Variants in PTPRD observed in about 807,000 individuals in gnomAD.
The protein encoded by PTPRD is receptor-type tyrosine-protein phosphatase delta.
A neutral mutation model predicts 214.5 loss-of-function variants in PTPRD; 34 were observed. The ratio of observed to expected loss-of-function variants is 0.16; its 90% confidence interval spans 0.12 to 0.21. PTPRD has a LOEUF of 0.21. Among genes scored for constraint, PTPRD ranks in the 10% least tolerant of loss-of-function variants. The pLI is 1.00. For synonymous variants in PTPRD, 1,128 were observed against 845.7 expected, an observed-to-expected ratio of 1.33 and a Z score of -5.79; for missense variants, 2,545 against 2,398.7, an observed-to-expected ratio of 1.06 and a Z score of -1.27.
intron 4 of PTPRD, among the ~76,000 whole-genome samples, chr9:9,961,686 A>G (rs1028436046): frequency 6.6e-6 from 1 of 152,160 alleles, no homozygotes; most frequent in African/African-American, 2.4e-5. Flanking sequence ...ACTGAGTGCA[A>G]TTCCATGCCT....
At chr9:10,309,412 G>A (rs896211990) in intron 3 of PTPRD, among the ~76,000 whole-genome samples, 3 of 151,758 alleles carry the variant, frequency 2.0e-5, no homozygotes, top group Non-Finnish European at 4.4e-5. Flanking sequence ...AAGTGTAATG[G>A]CACAATCTCG....
intron 5 of PTPRD, among the ~76,000 whole-genome samples, chr9:9,929,735 G>A (rs940801826): frequency 6.6e-6 from 1 of 152,154 alleles, no homozygotes; most frequent in Admixed American, 6.5e-5. Flanking sequence ...ACAGGGCCTG[G>A]ATAAGGTTGA....
intron 14 of PTPRD, among the ~76,000 whole-genome samples, chr9:8,531,948 C>G (rs936777408): frequency 2.0e-5 from 3 of 152,064 alleles, no homozygotes; most frequent in Non-Finnish European, 4.4e-5. Flanking sequence ...CATGACCTTT[C>G]TCTTCCTTCC....
intron 3 of PTPRD, among the ~76,000 whole-genome samples, chr9:10,157,869 T>C (rs1448619909): frequency 6.6e-6 from 1 of 152,184 alleles, no homozygotes; most frequent in Non-Finnish European, 1.5e-5. Flanking sequence ...CTTCTTTGAC[T>C]ATCTATTTTA....
intron 7 of PTPRD, among the ~76,000 whole-genome samples, chr9:9,579,171 A>G (rs1592084740): frequency 6.6e-6 from 1 of 152,232 alleles, no homozygotes. Context: ...GAGTCAAGTA[A>G]TTATATATTT....
At chr9:9,543,175 T>C (rs1007335115) in intron 8 of PTPRD, among the ~76,000 whole-genome samples, 2 of 151,704 alleles carry the variant, frequency 1.3e-5, no homozygotes, top group African/African-American at 4.8e-5. Flanking sequence ...CAAAAACATT[T>C]TGTTGAGCAA....
chr9:8,972,206 A>C (rs1459637363), intron 11 of PTPRD, among the ~76,000 whole-genome samples: 4 of 151,922 alleles, frequency 2.6e-5, no homozygotes. Context: ...TTTCTCTTTC[A>C]GTAGACTAAT....
chr9:9,431,079 T>C (rs2082910279), intron 8 of PTPRD, among the ~76,000 whole-genome samples: 1 of 152,170 alleles, frequency 6.6e-6, no homozygotes, highest in Admixed American at 6.5e-5. Flanking sequence ...AAAGAACCTC[T>C]GCACAGCAAA....
intron 3 of PTPRD, among the ~76,000 whole-genome samples, chr9:10,202,671 G>GATAT (rs77962535): frequency 0.057 from 6,461 of 112,976 alleles, 323 homozygotes; most frequent in African/African-American, 0.098. Context: ...AAATTATATG[G>GATAT]ATATATATAT....
At chr9:8,764,285 C>A (rs1388287849) in intron 11 of PTPRD, among the ~76,000 whole-genome samples, 1 of 152,104 alleles carries the variant, frequency 6.6e-6, no homozygotes, top group African/African-American at 2.4e-5. Context: ...TATGAAAAGG[C>A]TATTGCAAGA....
intron 3 of PTPRD, among the ~76,000 whole-genome samples, chr9:10,057,717 T>C (rs557059225): frequency 6.6e-6 from 1 of 151,706 alleles, no homozygotes; most frequent in East Asian, 2.0e-4. Context: ...GGTGCACGTG[T>C]CTGTAGTCCC....
At chr9:10,538,284 AAATAAATAAAT>A (rs2058327649) in intron 2 of PTPRD, among the ~76,000 whole-genome samples, 2 of 147,276 alleles carry the variant, frequency 1.4e-5, no homozygotes, top group Non-Finnish European at 3.0e-5. Context: ...ATAAATAAAT[AAATAAATAAAT>A]AAAAAGGGAG....
chr9:9,645,290 A>T (rs2096117004), intron 7 of PTPRD, among the ~76,000 whole-genome samples: 1 of 152,154 alleles, frequency 6.6e-6, no homozygotes, highest in Non-Finnish European at 1.5e-5. Flanking sequence ...AAATGGAGAC[A>T]ATAATGCCTA....
chr9:9,777,325 G>GCACACA (rs34617348), intron 5 of PTPRD, among the ~76,000 whole-genome samples: 106 of 143,282 alleles, frequency 7.4e-4, no homozygotes, highest in African/African-American at 2.3e-3. Context: ...GCACATACAT[G>GCACACA]CACACACACA....
chr9:8,618,574 A>C (rs959953149), intron 14 of PTPRD, among the ~76,000 whole-genome samples: 9 of 152,114 alleles, frequency 5.9e-5, no homozygotes. Flanking sequence ...GGTTTCAAAG[A>C]GAAAGCCATG....
intron 35 of PTPRD, among the ~76,000 whole-genome samples, chr9:8,409,564 G>A (rs2093345183): frequency 6.6e-6 from 1 of 152,132 alleles, no homozygotes; most frequent in Admixed American, 6.5e-5. Flanking sequence ...ATCCTGATAT[G>A]GGAGTAACCT....
At chr9:8,942,442 A>C (rs1457015845) in intron 11 of PTPRD, among the ~76,000 whole-genome samples, 1 of 152,162 alleles carries the variant, frequency 6.6e-6, no homozygotes, top group Non-Finnish European at 1.5e-5. Flanking sequence ...GGAGAGAGGA[A>C]AACAAAATGA....
intron 11 of PTPRD, among the ~76,000 whole-genome samples, chr9:8,786,402 CTTTTTTTTT>C (rs36018689): frequency 1.5e-5 from 1 of 66,996 alleles, no homozygotes; most frequent in Non-Finnish European, 2.7e-5. Flanking sequence ...GTTTGGAGTT[CTTTTTTTTT>C]TTTTTTTTTT....
At chr9:8,577,063 T>C (rs984486007) in intron 14 of PTPRD, among the ~76,000 whole-genome samples, 1 of 152,122 alleles carries the variant, frequency 6.6e-6, no homozygotes, top group African/African-American at 2.4e-5. Flanking sequence ...GTTTTCCTGA[T>C]TCAAGTCTTT....
Sources: allele counts gnomAD v4.1 joint callset (sites outside exome capture counted in the v4.1 genomes callset), GRCh38; gene constraint gnomAD v4.1.1; transcripts MANE v1.5; gene names NCBI Gene and HGNC (gene_info 2026-07-23, HGNC 2026-07-21).